Variants in HOMER2 observed in about 807,000 individuals in gnomAD.
HOMER2 encodes homer scaffold protein 2.
HOMER2 carries 27 observed loss-of-function variants against 47.0 expected under a neutral mutation model. The ratio of observed to expected loss-of-function variants is 0.57; its 90% CI spans 0.42 to 0.79. The LOEUF (loss-of-function observed/expected upper bound fraction) is 0.79. Among genes scored for constraint, HOMER2 ranks in the 30% least tolerant of loss-of-function variants. The pLI, the probability that HOMER2 is intolerant of heterozygous loss-of-function variation, is 0.00. For missense variants in HOMER2, 443 were observed against 435.0 expected (o/e 1.02, Z -0.16); for synonymous variants, 161 against 163.8 (o/e 0.98, Z 0.13).
chr15:82,837,891 T>A (rs1415958506), exon 2 of HOMER2: 1 of 152,252 alleles, frequency 6.6e-6, no homozygotes, highest in East Asian at 1.9e-4. Flanking sequence ...GAATGAATGA[T>A]TTAACAGCTG....
intron 1 of HOMER2, among the ~76,000 whole-genome samples, chr15:82,915,312 A>G (rs187424837): frequency 1.5e-4 from 23 of 152,236 alleles, no homozygotes; most frequent in Middle Eastern, 6.8e-3. Context: ...TAATTTTTTT[A>G]GAAGACTGGA....
intron 1 of HOMER2, among the ~76,000 whole-genome samples, chr15:82,949,525 C>A (rs1417384718): frequency 6.6e-6 from 1 of 152,090 alleles, no homozygotes; most frequent in African/African-American, 2.4e-5. Flanking sequence ...AAGACCCTGG[C>A]AGTTTTGGTG....
At chr15:82,866,977 G>A (rs1596311731) in intron 3 of HOMER2, among the ~76,000 whole-genome samples, 2 of 152,096 alleles carry the variant, frequency 1.3e-5, no homozygotes, top group Non-Finnish European at 2.9e-5. Context: ...ATGCATGATG[G>A]AACAGAACAA....
At position 82,854,724 on chromosome 15, in the gene HOMER2, G is replaced by A. The variant is rs1446113710; in HGVS notation, c.571C>T (p.Gln191Ter). Residue 191 changes from glutamine (Q) to a stop codon, truncating the protein, a stop_gained, in exon 6 of 9, where the codon CAG becomes TAG. Coordinates refer to ENST00000450735, the MANE Select transcript of HOMER2 (RefSeq NM_004839.4). LOFTEE classifies it high-confidence loss of function. Reference protein sequence around the residue: ...ESNARLTTALQESAASVEQWK... With the variant: ...ESNARLTTAL ...TGCTCCACACTGGCTGCCGACTCCTGCAGTGCTGTGGTCAGCCGTGCATTG... is the reference window on the plus strand; with the variant it reads ...TGCTCCACACTGGCTGCCGACTCCTACAGTGCTGTGGTCAGCCGTGCATTG... 1 of 1,612,782 alleles carries A rather than the reference G, an allele frequency of 6.2e-7. No homozygotes were observed. The highest frequency in any genetic ancestry group is 1.7e-5 in the Admixed American group (1 of 60,030).
chr15:82,933,865 T>A (rs1480985783), intron 1 of HOMER2, among the ~76,000 whole-genome samples: 1 of 152,106 alleles, frequency 6.6e-6, no homozygotes, highest in Non-Finnish European at 1.5e-5. Context: ...CCACTCCCCA[T>A]GCCCAAGACA....
intron 1 of HOMER2, among the ~76,000 whole-genome samples, chr15:82,906,299 T>C (rs575228815): frequency 3.2e-4 from 49 of 152,168 alleles, no homozygotes; most frequent in Admixed American, 1.3e-3. Context: ...GGGCAACAAA[T>C]AGAAAACAGT....
chr15:82,851,520 C>T (rs1013580604), intron 7 of HOMER2, among the ~76,000 whole-genome samples: 1 of 152,170 alleles, frequency 6.6e-6, no homozygotes. Flanking sequence ...AACATGAGCA[C>T]GGCCTCCAAC....
intron 6 of HOMER2, 166 bp from the exon 7 acceptor site, chr15:82,852,418 T>C: frequency 1.7e-6 from 1 of 581,652 alleles, no homozygotes; most frequent in Non-Finnish European, 3.0e-6. Context: ...AGCTCCATCA[T>C]GGGGCTGCCT....
At chr15:82,927,686 G>T (rs2053888274) in intron 1 of HOMER2, among the ~76,000 whole-genome samples, 1 of 152,150 alleles carries the variant, frequency 6.6e-6, no homozygotes, top group Non-Finnish European at 1.5e-5. Flanking sequence ...GAAGTGCACT[G>T]CTGGCTGGGC....
In HOMER2 at chr15:82,854,591, T is replaced by C. The variant is rs539923279; in HGVS notation, c.651+53A>G. On this transcript the variant is annotated intron_variant, in intron 6 of 8. Transcript: ENST00000450735. Reference sequence around the variant, plus strand: ...AAAAAGGGTTGTGGGTGCCCCCATCTCCCACTGCCCACACCAGCTGGCCTC... The same window carrying C: ...AAAAAGGGTTGTGGGTGCCCCCATCCCCCACTGCCCACACCAGCTGGCCTC... 7 of 1,555,250 alleles carry C rather than the reference T, an allele frequency of 4.5e-6. No individual in the cohort carries two copies. In the South Asian group the frequency reaches 7.0e-5, roughly 16 times the overall value.
intron 1 of HOMER2, among the ~76,000 whole-genome samples, chr15:82,903,510 G>C (rs1233833222): frequency 1.3e-5 from 2 of 152,028 alleles, no homozygotes; most frequent in African/African-American, 4.8e-5. Context: ...CCAGCTACTC[G>C]GGAGGCTGAG....
chr15:82,962,931 G>C (rs1164323590), intron 1 of HOMER2, among the ~76,000 whole-genome samples: 1 of 152,212 alleles, frequency 6.6e-6, no homozygotes, highest in Non-Finnish European at 1.5e-5. Flanking sequence ...CATCAGGCTA[G>C]ACTTGACCTT....
chr15:82,859,957 C>G (rs2051720304), intron 4 of HOMER2, among the ~76,000 whole-genome samples: 1 of 152,042 alleles, frequency 6.6e-6, no homozygotes, highest in Non-Finnish European at 1.5e-5. Context: ...ATATGAAAAA[C>G]AAAATGTCGG....
At chr15:82,903,826 C>G (rs892583118) in intron 1 of HOMER2, among the ~76,000 whole-genome samples, 1 of 152,070 alleles carries the variant, frequency 6.6e-6, no homozygotes, top group Non-Finnish European at 1.5e-5. Flanking sequence ...GAAACCCCAT[C>G]TCTACTAGAA....
chr15:82,976,332 C>A (rs938344569), intron 1 of HOMER2, among the ~76,000 whole-genome samples: 2 of 152,120 alleles, frequency 1.3e-5, no homozygotes, highest in African/African-American at 4.8e-5. Context: ...GGAGTCCGCT[C>A]TGTCGCCCAG....
chr15:82,903,207 A>G (rs947558372), intron 1 of HOMER2, among the ~76,000 whole-genome samples: 1 of 152,188 alleles, frequency 6.6e-6, no homozygotes, highest in Non-Finnish European at 1.5e-5. Flanking sequence ...CCTGGCCTAG[A>G]GCGGTAGGGA....
chr15:82,907,459 A>T (rs1193978654), intron 1 of HOMER2, among the ~76,000 whole-genome samples: 1 of 151,616 alleles, frequency 6.6e-6, no homozygotes, highest in African/African-American at 2.4e-5. Context: ...GAAAGAAAGA[A>T]GGAAGGAAGG....
intron 2 of HOMER2, among the ~76,000 whole-genome samples, chr15:82,889,207 G>T (rs917569680): frequency 6.6e-6 from 1 of 152,150 alleles, no homozygotes; most frequent in Non-Finnish European, 1.5e-5. Flanking sequence ...TCAACATTTG[G>T]GATCAAAGGC....
chr15:82,847,807 G>A (rs557417587), downstream of HOMER2, among the ~76,000 whole-genome samples: 1 of 152,252 alleles, frequency 6.6e-6, no homozygotes, highest in Non-Finnish European at 1.5e-5. Flanking sequence ...AGACCAGGCT[G>A]GCTTGAGAAT....
Sources: gnomAD v4.1 joint callset for allele counts (sites outside exome capture counted in the v4.1 genomes callset) on GRCh38, gnomAD v4.1.1 for gene constraint, MANE v1.5 for transcripts, NCBI Gene and HGNC (gene_info 2026-07-23, HGNC 2026-07-21) for gene names.